The following CTNND2 variants were observed in gnomAD, a reference collection of about 807,000 sequenced individuals.
CTNND2 encodes catenin delta 2.
CTNND2 carries 22 observed loss-of-function variants against 144.4 expected under a neutral mutation model. That is an observed-to-expected ratio of 0.15 (90% CI 0.11 to 0.22). CTNND2 has a LOEUF of 0.22. CTNND2 is among the 10% of genes least tolerant of loss of function. The pLI is 1.00. For synonymous variants in CTNND2, 751 were observed against 695.6 expected (o/e 1.08, Z -1.25); for missense variants, 1,353 against 1,618.8 (o/e 0.84, Z 2.82).
At chr5:11,554,215 C>CATAAAA (rs1384859385) in intron 3 of CTNND2, among the ~76,000 whole-genome samples, 2 of 152,004 alleles carry the variant, frequency 1.3e-5, no homozygotes, top group Non-Finnish European at 1.5e-5. Flanking sequence ...TTTTAATTTG[C>CATAAAA]ATAAAAATAA....
intron 21 of CTNND2, among the ~76,000 whole-genome samples, chr5:10,974,957 C>T (rs61752740): frequency 6.6e-6 from 1 of 152,336 alleles, no homozygotes; most frequent in East Asian, 1.9e-4. Flanking sequence ...AACTTCATCA[C>T]AGCAGCTGTC....
intron 2 of CTNND2, among the ~76,000 whole-genome samples, chr5:11,686,760 G>A (rs1314802244): frequency 6.8e-6 from 1 of 147,898 alleles, no homozygotes; most frequent in African/African-American, 2.5e-5. Flanking sequence ...TTCTTATATA[G>A]AAATATATGT....
intron 1 of CTNND2, among the ~76,000 whole-genome samples, chr5:11,811,582 T>C (rs1210457672): frequency 6.6e-6 from 1 of 152,200 alleles, no homozygotes; most frequent in Non-Finnish European, 1.5e-5. Context: ...TCCAATTTGT[T>C]TAGACAGGGT....
At chr5:11,859,306 T>C (rs1334419198) in intron 1 of CTNND2, among the ~76,000 whole-genome samples, 2 of 152,190 alleles carry the variant, frequency 1.3e-5, no homozygotes, top group Admixed American at 6.5e-5. Context: ...ATTTGCACTA[T>C]CACCACAGGT....
At chr5:11,679,819 CTGAGGAA>C (rs1784344992) in intron 2 of CTNND2, among the ~76,000 whole-genome samples, 1 of 152,194 alleles carries the variant, frequency 6.6e-6, no homozygotes, top group Admixed American at 6.5e-5. Context: ...ACTCATAAAA[CTGAGGAA>C]TGACAACAAC....
At position 11,412,915 on chromosome 5, in the gene CTNND2, A is replaced by T. The variant is rs113675266; in HGVS notation, c.288-846T>A. ...TTCAAGCAGCTTCTCTGAATAGTTC[A>T]TTAGTTTCACAACAGCACATGGATT... is the stretch of plus-strand genomic sequence containing the variant. On this transcript the variant is annotated intron_variant, in intron 3 of 21. Coordinates refer to ENST00000304623, the MANE Select transcript of CTNND2 (RefSeq NM_001332.4). Among the ~76,000 whole-genome samples, 394 of 152,274 alleles carry T rather than the reference A, an allele frequency of 2.6e-3. 2 individuals are homozygous for T. The highest frequency in any genetic ancestry group is 8.9e-3 in the African/African-American group (371 of 41,582).
At chr5:11,485,261 A>G (rs1768686731) in intron 3 of CTNND2, among the ~76,000 whole-genome samples, 1 of 152,164 alleles carries the variant, frequency 6.6e-6, no homozygotes, top group African/African-American at 2.4e-5. Context: ...ATTTTATGCA[A>G]TCAGTAGAAA....
intron 18 of CTNND2, among the ~76,000 whole-genome samples, chr5:10,997,823 GGT>G (rs910407330): frequency 1.3e-5 from 2 of 152,070 alleles, no homozygotes; most frequent in African/African-American, 4.8e-5. Context: ...AGGTGAACAA[GGT>G]ACTTTACAAT....
chr5:11,088,021 T>C (rs1377387164), intron 15 of CTNND2, among the ~76,000 whole-genome samples: 1 of 152,236 alleles, frequency 6.6e-6, no homozygotes, highest in Non-Finnish European at 1.5e-5. Flanking sequence ...TCTCAAGGAT[T>C]AGTAATTTTC....
chr5:11,697,428 G>A (rs1016646999), intron 2 of CTNND2, among the ~76,000 whole-genome samples: 12 of 152,294 alleles, frequency 7.9e-5, no homozygotes, highest in African/African-American at 2.6e-4. Context: ...GATATTCATT[G>A]TTATGGCATA....
chr5:11,309,908 T>G (rs1750624058), intron 9 of CTNND2, among the ~76,000 whole-genome samples: 2 of 152,142 alleles, frequency 1.3e-5, no homozygotes, highest in South Asian at 4.1e-4. Context: ...GCCCTCTTCC[T>G]TCTTTTCCTG....
intron 12 of CTNND2, among the ~76,000 whole-genome samples, chr5:11,138,617 T>C (rs768196442): frequency 7.9e-5 from 12 of 152,194 alleles, no homozygotes; most frequent in Non-Finnish European, 1.5e-4. Flanking sequence ...GTCGGGTCTG[T>C]GATTGGTGTG....
intron 3 of CTNND2, among the ~76,000 whole-genome samples, chr5:11,509,195 G>T (rs1046480401): frequency 6.6e-6 from 1 of 152,124 alleles, no homozygotes; most frequent in Non-Finnish European, 1.5e-5. Context: ...AAATTCTAAG[G>T]TCTAGCATTC....
chr5:11,722,666 G>A (rs1477007807), intron 2 of CTNND2, among the ~76,000 whole-genome samples: 1 of 152,168 alleles, frequency 6.6e-6, no homozygotes, highest in African/African-American at 2.4e-5. Flanking sequence ...AATGACCAAA[G>A]GTGGGGGCGG....
chr5:11,845,836 G>A (rs960008916), intron 1 of CTNND2, among the ~76,000 whole-genome samples: 2 of 152,150 alleles, frequency 1.3e-5, no homozygotes, highest in African/African-American at 4.8e-5. Context: ...GGGATGTGTA[G>A]CACTATACTT....
chr5:11,209,146 T>G (rs189571384), intron 10 of CTNND2, among the ~76,000 whole-genome samples: 87 of 152,322 alleles, frequency 5.7e-4, no homozygotes, highest in African/African-American at 1.9e-3. Context: ...TTATTTATAC[T>G]TTTAACACAA....
At chr5:11,457,718 A>G (rs988495910) in intron 3 of CTNND2, among the ~76,000 whole-genome samples, 1 of 152,204 alleles carries the variant, frequency 6.6e-6, no homozygotes, top group Non-Finnish European at 1.5e-5. Flanking sequence ...TGCACAGGAC[A>G]CTTGTGTAGG....
At chr5:11,873,692 A>G in intron 1 of CTNND2, among the ~76,000 whole-genome samples, 1 of 152,222 alleles carries the variant, frequency 6.6e-6, no homozygotes, top group East Asian at 1.9e-4. Context: ...CTAGATACCA[A>G]AGCAGCTACC....
intron 3 of CTNND2, among the ~76,000 whole-genome samples, chr5:11,462,846 A>G (rs1766340675): frequency 6.6e-6 from 1 of 152,094 alleles, no homozygotes; most frequent in South Asian, 2.1e-4. Flanking sequence ...CACCACCAAG[A>G]AAAGAAACAA....
Sources: gnomAD v4.1 joint callset for allele counts (sites outside exome capture counted in the v4.1 genomes callset) on GRCh38, gnomAD v4.1.1 for gene constraint, MANE v1.5 for transcripts, NCBI Gene and HGNC (gene_info 2026-07-23, HGNC 2026-07-21) for gene names.